Variants in LRBA observed in about 807,000 individuals in gnomAD.
LRBA encodes the protein LPS responsive beige-like anchor protein.
A neutral mutation model predicts 330.0 loss-of-function variants in LRBA; 176 were observed. The ratio of observed to expected loss-of-function variants is 0.53; its 90% CI spans 0.47 to 0.60. The LOEUF is 0.60. LRBA is among the 20% of genes least tolerant of loss of function. The pLI, the probability that LRBA is intolerant of heterozygous loss-of-function variation, is 0.00. For synonymous variants in LRBA, 1,230 were observed against 1,193.0 expected (o/e 1.03, Z -0.64); for missense variants, 3,259 against 3,444.8 (o/e 0.95, Z 1.35).
At chr4:150,324,908 T>A (rs2126941162) in intron 49 of LRBA, among the ~76,000 whole-genome samples, 1 of 151,848 alleles carries the variant, frequency 6.6e-6, no homozygotes, top group East Asian at 1.9e-4. Flanking sequence ...ACTCTGCCAA[T>A]TTTTTTTTCC....
At chr4:150,386,342 T>C (rs550676646) in intron 47 of LRBA, among the ~76,000 whole-genome samples, 50 of 152,212 alleles carry the variant, frequency 3.3e-4, no homozygotes, top group South Asian at 2.7e-3. Context: ...ATATGCTCTA[T>C]AGTATATATT....
chr4:150,667,498 T>C (rs1005753466), intron 37 of LRBA, among the ~76,000 whole-genome samples: 2 of 152,152 alleles, frequency 1.3e-5, no homozygotes, highest in African/African-American at 2.4e-5. Context: ...CTGTAGAAGA[T>C]AGAAAAGTCA....
chr4:150,867,072 T>G (rs1213449594), intron 22 of LRBA, among the ~76,000 whole-genome samples: 17 of 147,934 alleles, frequency 1.1e-4, no homozygotes, highest in African/African-American at 4.2e-4. Flanking sequence ...AAAAAGAATT[T>G]AAGCTATATA....
chr4:150,531,972 CTT>C (rs1764100449), intron 40 of LRBA, among the ~76,000 whole-genome samples: 4 of 152,170 alleles, frequency 2.6e-5, no homozygotes, highest in Admixed American at 2.6e-4. Context: ...TAAATGTCCT[CTT>C]GTTAGTTTTA....
chr4:150,958,474 G>A (rs1737790202), intron 2 of LRBA, among the ~76,000 whole-genome samples: 1 of 149,270 alleles, frequency 6.7e-6, no homozygotes, highest in Non-Finnish European at 1.5e-5. Context: ...TGTGATGGGA[G>A]GGGCTTCTGT....
intron 33 of LRBA, among the ~76,000 whole-genome samples, chr4:150,800,136 A>C (rs1578819615): frequency 6.6e-6 from 1 of 152,360 alleles, no homozygotes; most frequent in South Asian, 2.1e-4. Context: ...AGGCTAACAA[A>C]CCAGAAGAAG....
chr4:150,750,323 G>A (rs950650980), intron 35 of LRBA, among the ~76,000 whole-genome samples: 1 of 152,000 alleles, frequency 6.6e-6, no homozygotes, highest in East Asian at 1.9e-4. Flanking sequence ...ATCAATAAAT[G>A]GATACTGAAT....
At chr4:150,394,113 C>G (rs1744391037) in intron 47 of LRBA, among the ~76,000 whole-genome samples, 1 of 152,172 alleles carries the variant, frequency 6.6e-6, no homozygotes, top group Admixed American at 6.5e-5. Flanking sequence ...ATTTCTTTGC[C>G]TTAGAGGCCT....
At chr4:150,931,192 C>T (rs1734456320) in intron 2 of LRBA, among the ~76,000 whole-genome samples, 1 of 151,852 alleles carries the variant, frequency 6.6e-6, no homozygotes, top group East Asian at 1.9e-4. Flanking sequence ...ACTCTTCATC[C>T]AGCTTCCCCA....
At chr4:150,647,906 T>A (rs1054198408) in intron 37 of LRBA, among the ~76,000 whole-genome samples, 3 of 151,764 alleles carry the variant, frequency 2.0e-5, no homozygotes, top group Admixed American at 1.3e-4. Context: ...ATTGTAAGTA[T>A]CCTTCCTGAG....
rs139528720 is a variant in LRBA, at chr4:150,409,455, G to A, written c.7194+5983C>T. Among the ~76,000 whole-genome samples, 6 of 152,160 alleles carry A rather than the reference G, an allele frequency of 3.9e-5. No homozygotes were observed. In the East Asian group the frequency reaches 1.2e-3, roughly 29 times the overall value. On this transcript the variant is annotated intron_variant, in intron 47 of 56. Transcript: ENST00000651943. ...AGTTCTGCAATACTAGCTCTATAAT[G>A]GATGAGGTTTCTTTACATATCCTGG...
At chr4:150,458,982 T>C (rs1754426398) in intron 44 of LRBA, among the ~76,000 whole-genome samples, 1 of 151,924 alleles carries the variant, frequency 6.6e-6, no homozygotes, top group African/African-American at 2.4e-5. Context: ...AGACCATAAG[T>C]AGTGATGTGA....
chr4:150,718,493 T>C (rs566371852), intron 36 of LRBA, among the ~76,000 whole-genome samples: 1 of 152,184 alleles, frequency 6.6e-6, no homozygotes, highest in South Asian at 2.1e-4. Context: ...CTGCAGAGTA[T>C]TGTTTAAGAG....
In LRBA at chr4:150,589,312, C is replaced by T. The variant is rs1020363144; in HGVS notation, c.6194-1128G>A. ...AGAAGGGTGATAGTGCTTAATCTCACATCAATCTTAATGTGTGCCAGTAGG... is the reference window on the plus strand; with the variant it reads ...AGAAGGGTGATAGTGCTTAATCTCATATCAATCTTAATGTGTGCCAGTAGG... On this transcript the variant is annotated intron_variant, in intron 39 of 56. Transcript: ENST00000651943. 2.0e-5 allele frequency among the ~76,000 whole-genome samples: 3 copies of T among 152,140 alleles called. No homozygotes were observed. The East Asian group carries it at 5.8e-4, about 29-fold the overall frequency.
chr4:150,523,082 C>G (rs1416595486), intron 40 of LRBA, among the ~76,000 whole-genome samples: 2 of 152,338 alleles, frequency 1.3e-5, no homozygotes, highest in African/African-American at 4.8e-5. Context: ...CTCACTCAGT[C>G]TGACTTGGAT....
chr4:150,542,984 A>G (rs568334529), intron 40 of LRBA, among the ~76,000 whole-genome samples: 30 of 152,294 alleles, frequency 2.0e-4, no homozygotes, highest in African/African-American at 6.5e-4. Context: ...ATGCAAATAA[A>G]TTGCCATCTT....
chr4:150,736,532 A>T (rs1018832128), intron 35 of LRBA, among the ~76,000 whole-genome samples: 1 of 152,166 alleles, frequency 6.6e-6, no homozygotes, highest in Non-Finnish European at 1.5e-5. Context: ...AAGATAGGTC[A>T]ATGACAACTA....
At chr4:150,403,857 C>A (rs1176240673) in intron 47 of LRBA, among the ~76,000 whole-genome samples, 1 of 151,876 alleles carries the variant, frequency 6.6e-6, no homozygotes, top group African/African-American at 2.4e-5. Flanking sequence ...ATGGTGAAAC[C>A]CGGTCTCTAC....
chr4:150,900,023 G>GT, intron 14 of LRBA, 26 bp downstream of exon 14: 1 of 1,557,734 alleles, frequency 6.4e-7, no homozygotes, highest in Non-Finnish European at 8.8e-7. Context: ...TTTGTGTAAA[G>GT]TAATATACAG....
Sources: allele counts gnomAD v4.1 joint callset (sites outside exome capture counted in the v4.1 genomes callset), GRCh38; gene constraint gnomAD v4.1.1; transcripts MANE v1.5; gene names NCBI Gene and HGNC (gene_info 2026-07-23, HGNC 2026-07-21).